The following H3-3B variants were observed in gnomAD, a reference collection of about 807,000 sequenced individuals.
H3-3B encodes the protein histone H3.3.
In H3-3B, 2 loss-of-function variants were observed where a neutral mutation model predicts 13.1. The ratio of observed to expected loss-of-function variants is 0.15; its 90% CI spans 0.06 to 0.48. H3-3B has a LOEUF of 0.48. Among genes scored for constraint, H3-3B ranks in the 20% least tolerant of loss-of-function variants. H3-3B has a pLI of 0.97. For synonymous variants in H3-3B, 133 were observed against 75.8 expected, an observed-to-expected ratio of 1.76 and a Z score of -3.92; for missense variants, 39 against 186.0, an observed-to-expected ratio of 0.21 and a Z score of 4.60.
rs1463512070 is a variant in H3-3B, at chr17:75,778,043, T to C, written c.*552A>G. The stretch of plus-strand genomic sequence containing the variant: ...ACTTGTGAATGTAAAACATTTAATT[T>C]AAAAATGTTGATACTACAATATATA... On this transcript the variant is annotated 3_prime_UTR_variant, in exon 4 of 4. Transcript: ENST00000254810. 2 of 152,690 alleles carry C rather than the reference T, an allele frequency of 1.3e-5. No individual in the cohort carries two copies. The highest frequency in any genetic ancestry group is 2.4e-5 in the African/African-American group (1 of 41,434). 9.5% of individuals were successfully genotyped at this position (152,690 alleles called of 1,614,324 possible). A position where few individuals can be genotyped will look rare whatever the true frequency, so the allele number is the denominator to read the frequency against.
rs2061644773 is a variant in H3-3B, at chr17:75,777,611, T to G, written c.*984A>C. 1 of 152,532 alleles carries G rather than the reference T, an allele frequency of 6.6e-6. No homozygotes were observed. Among genetic ancestry groups the G allele is most frequent in the Non-Finnish European group, 1.5e-5 (1 of 68,044 alleles). 9.4% of individuals were successfully genotyped at this position (152,532 alleles called of 1,614,324 possible). ...TAACCTAACCCAACACCATCTTAATTGGCAGAGGTTCAGTGGGCTGGAGTT... is the reference window on the plus strand; with the variant it reads ...TAACCTAACCCAACACCATCTTAATGGGCAGAGGTTCAGTGGGCTGGAGTT... On this transcript the variant is annotated 3_prime_UTR_variant, in exon 4 of 4. Coordinates refer to ENST00000254810, the MANE Select transcript of H3-3B (RefSeq NM_005324.5).
Position 75,778,682 on chromosome 17 carries a change from G to C in H3-3B, c.324C>G (p.Thr108=). 1 of 1,614,168 alleles carries C rather than the reference G, an allele frequency of 6.2e-7. No individual in the cohort carries two copies. Among genetic ancestry groups the C allele is most frequent in the South Asian group, 1.1e-5 (1 of 91,080 alleles). The change falls in exon 4 of 4, where the codon ACC becomes ACG. Residue 108 remains threonine (T), a synonymous_variant. Coordinates refer to ENST00000254810, the MANE Select transcript of H3-3B (RefSeq NM_005324.5). The stretch of plus-strand genomic sequence containing the variant: ...TCTTAGCGTGGATGGCACACAGGTT[G>C]GTATCTTCGAACAGACCCACCAGGT... ...EAYLVGLFED[T]NLCAIHAKRV... is the part of the protein sequence containing the mutation.
intron 1 of H3-3B, 70 bp downstream of exon 1, chr17:75,779,587 C>T (rs1169609982): frequency 6.4e-6 from 1 of 156,510 alleles, no homozygotes; most frequent in African/African-American, 2.4e-5. Flanking sequence ...GCTCGGCTCC[C>T]AACGGCCGCG....
In H3-3B at chr17:75,777,116, T is replaced by C. The variant is rs1568399313; in HGVS notation, c.*1479A>G. 6.6e-6 allele frequency: 1 copy of C among 152,218 alleles called. No homozygotes were observed. Among genetic ancestry groups the C allele is most frequent in the African/African-American group, 2.4e-5 (1 of 41,452 alleles). The allele number at this position is 152,218 out of a possible 1,614,324, so 9.4% of individuals were successfully genotyped here. ...CTGTCTCACTGACATCCACGTACTA[T>C]GCTTTAGTGGCCATCATCGCACAAG... On this transcript the variant is annotated 3_prime_UTR_variant, in exon 4 of 4. Coordinates refer to ENST00000254810, the MANE Select transcript of H3-3B (RefSeq NM_005324.5).
Position 75,776,545 on chromosome 17 carries a change from A to C in H3-3B, c.*2050T>G, listed in dbSNP as rs1330679719. 1 of 152,196 alleles carries C rather than the reference A, an allele frequency of 6.6e-6. No homozygotes were observed. The highest frequency in any genetic ancestry group is 2.1e-4 in the South Asian group (1 of 4,832). 9.4% of individuals were successfully genotyped at this position (152,196 alleles called of 1,614,324 possible). A position where few individuals can be genotyped will look rare whatever the true frequency, so the allele number is the denominator to read the frequency against. On this transcript the variant is annotated 3_prime_UTR_variant, in exon 4 of 4. Transcript: ENST00000254810. ...TCTGCTCCTTTACCCTTACCGAGGG[A>C]TATCCCATACAGGAAGCCGCCTACA...
chr17:75,779,076 G>T lies in H3-3B; in HGVS notation c.99C>A (p.Thr33=), dbSNP rs61734773. The change falls in exon 2 of 4, where the codon ACC becomes ACA. Residue 33 remains threonine, a synonymous_variant. Coordinates refer to ENST00000254810, the MANE Select transcript of H3-3B (RefSeq NM_005324.5). ...TKAARKSAPS[T]GGVKKPHRYR... is the part of the protein sequence containing the mutation. ...AGCGATGAGGCTTCTTCACCCCGCC[G>T]GTAGAGGGAGCGCTTTTCCTGGCGG... 2 of 1,606,192 alleles carry T rather than the reference G, an allele frequency of 1.2e-6. No individual in the cohort carries two copies. Among genetic ancestry groups the T allele is most frequent in the East Asian group, 4.5e-5 (2 of 44,682 alleles).
Position 75,778,739 on chromosome 17 carries a change from G to A in H3-3B, c.283-16C>T, listed in dbSNP as rs753220478. The A allele has an allele frequency of 8.7e-6, 14 of 1,614,060 alleles. No homozygotes were observed. The highest frequency in any genetic ancestry group is 2.7e-5 in the African/African-American group (2 of 74,932). ...CGCTAGCCTCCTGTTGAGGACGAGA[G>A]CCGCACTATTAATCCCACTCGGGGA... On this transcript the variant is annotated splice_polypyrimidine_tract_variant and intron_variant, in intron 3 of 3. Coordinates refer to ENST00000254810, the MANE Select transcript of H3-3B (RefSeq NM_005324.5).
rs1395672202 is a variant in H3-3B, at chr17:75,777,034, C to G, written c.*1561G>C. 6.6e-6 allele frequency: 1 copy of G among 152,152 alleles called. No individual in the cohort carries two copies. The allele number at this position is 152,152 out of a possible 1,614,324, so 9.4% of individuals were successfully genotyped here. ...AGAAAGCAATTTTAATGGGGTATAA[C>G]TTTAAGCAGTTGCTAACTTCAAACG... On this transcript the variant is annotated 3_prime_UTR_variant, in exon 4 of 4. Transcript: ENST00000254810.
chr17:75,778,961 G>A lies in H3-3B; in HGVS notation c.131C>T (p.Pro44Leu). 6.2e-7 allele frequency: 1 copy of A among 1,614,086 alleles called. No individual in the cohort carries two copies. Among genetic ancestry groups the A allele is most frequent in the Non-Finnish European group, 8.5e-7 (1 of 1,180,040 alleles). Residue 44 changes from proline (P) to leucine (L), a missense_variant and splice_region_variant, in exon 3 of 4, where the codon CCC becomes CTC. By Grantham distance (98) the Pro-to-Leu change is moderately conservative. Transcript: ENST00000254810. ...GGVKKPHRYR[P>L]GTVALREIRR... ...AATCTCTCGAAGCGCCACGGTCCCG[G>A]GCCTGCAGCGAGCAGGGGAGGAGTG...
rs1476541779 is a variant in H3-3B, at chr17:75,779,752, C to G, written c.-106G>C. ...CGACGAGCGAAAAACCAGCACCGCC[C>G]AACGAACGACCAAACCGCTCTGCGC... On this transcript the variant is annotated 5_prime_UTR_variant, in exon 1 of 4. Transcript: ENST00000254810. The G allele has an allele frequency of 6.5e-6, 1 of 153,404 alleles. No homozygotes were observed. Among genetic ancestry groups the G allele is most frequent in the Non-Finnish European group, 1.5e-5 (1 of 68,088 alleles). 9.5% of individuals were successfully genotyped at this position (153,404 alleles called of 1,614,324 possible).
At position 75,778,894 on chromosome 17, in the gene H3-3B, C is replaced by T. The variant is rs766083180; in HGVS notation, c.198G>A (p.Leu66=). ...TCTCCCTCACCAACCTCTGGAAGGG[C>T]AGCTTCCGGATGAGCAGCTCGGTCG... ...QKSTELLIRK[L]PFQRLVREIA... is the part of the protein sequence containing the mutation. Residue 66 remains leucine, a synonymous_variant, in exon 3 of 4, where the codon CTG becomes CTA. Transcript: ENST00000254810. 5 of 1,614,176 alleles carry T rather than the reference C, an allele frequency of 3.1e-6. No individual in the cohort carries two copies. The South Asian group carries it at 3.3e-5, about 11-fold the overall frequency.
Position 75,777,079 on chromosome 17 carries a change from C to CT in H3-3B, c.*1515dup, listed in dbSNP as rs1361424128. On this transcript the variant is annotated 3_prime_UTR_variant, in exon 4 of 4. Coordinates refer to ENST00000254810, the MANE Select transcript of H3-3B (RefSeq NM_005324.5). ...CAAACGTGGAACGCTTTGATGACTG[C>CT]TGGCTCTCATGCTGTCTCACTGACA... The CT allele has an allele frequency of 6.6e-6, 1 of 152,204 alleles. No homozygotes were observed. The highest frequency in any genetic ancestry group is 1.5e-5 in the Non-Finnish European group (1 of 68,028). 9.4% of individuals were successfully genotyped at this position (152,204 alleles called of 1,614,324 possible). A position where few individuals can be genotyped will look rare whatever the true frequency, so the allele number is the denominator to read the frequency against.
In H3-3B at chr17:75,779,551, C is replaced by T. The variant is rs536998644; in HGVS notation, c.-11+106G>A. On this transcript the variant is annotated intron_variant, in intron 1 of 3. Transcript: ENST00000254810. ...CCTCCCGGCCCCATACCCGACCCGA[C>T]GCCAGCGGCCCGAGCAGCCCCCGCC... is the stretch of plus-strand genomic sequence containing the variant. 210 of 160,694 alleles carry T rather than the reference C, an allele frequency of 1.3e-3. 3 individuals are homozygous for T. The Middle Eastern group carries it at 0.037, about 28-fold the overall frequency. 10.0% of individuals were successfully genotyped at this position (160,694 alleles called of 1,614,324 possible).
At position 75,778,220 on chromosome 17, in the gene H3-3B, C is replaced by T; in HGVS notation, c.*375G>A. The T allele has an allele frequency of 5.6e-6, 1 of 178,830 alleles. No homozygotes were observed. The highest frequency in any genetic ancestry group is 1.2e-5 in the Non-Finnish European group (1 of 83,408). The allele number at this position is 178,830 out of a possible 1,614,324, so 11.1% of individuals were successfully genotyped here. On this transcript the variant is annotated 3_prime_UTR_variant, in exon 4 of 4. Coordinates refer to ENST00000254810, the MANE Select transcript of H3-3B (RefSeq NM_005324.5). ...TCTATCACAGTGATGTATGGTCAGA[C>T]TTAACAGCCCCAATTGTTAAACACT...
At position 75,777,202 on chromosome 17, in the gene H3-3B, G is replaced by A. The variant is rs1427805509; in HGVS notation, c.*1393C>T. ...CTACACCTGTGGGCTTCTACACTAC[G>A]GAACGGGAGTGGGGGGGCTGAAAAG... On this transcript the variant is annotated 3_prime_UTR_variant, in exon 4 of 4. Coordinates refer to ENST00000254810, the MANE Select transcript of H3-3B (RefSeq NM_005324.5). 2 of 151,502 alleles carry A rather than the reference G, an allele frequency of 1.3e-5. No homozygotes were observed. Among genetic ancestry groups the A allele is most frequent in the Admixed American group, 6.6e-5 (1 of 15,248 alleles). The allele number at this position is 151,502 out of a possible 1,614,324, so 9.4% of individuals were successfully genotyped here.
intron 1 of H3-3B, 131 bp from the exon 2 acceptor site, chr17:75,779,315 G>C (rs1045828490): frequency 3.8e-6 from 4 of 1,047,026 alleles, no homozygotes; most frequent in South Asian, 3.2e-5. Context: ...CGCGGCAGCA[G>C]ATGGCCGAGG....
chr17:75,777,116 T>TC lies in H3-3B; in HGVS notation c.*1478_*1479insG, dbSNP rs1568399314. The TC allele has an allele frequency of 6.6e-6, 1 of 152,218 alleles. No homozygotes were observed. The highest frequency in any genetic ancestry group is 2.4e-5 in the African/African-American group (1 of 41,452). The allele number at this position is 152,218 out of a possible 1,614,324, so 9.4% of individuals were successfully genotyped here. A position where few individuals can be genotyped will look rare whatever the true frequency, so the allele number is the denominator to read the frequency against. On this transcript the variant is annotated 3_prime_UTR_variant, in exon 4 of 4. Coordinates refer to ENST00000254810, the MANE Select transcript of H3-3B (RefSeq NM_005324.5). ...CTGTCTCACTGACATCCACGTACTA[T>TC]GCTTTAGTGGCCATCATCGCACAAG...
At chr17:75,779,286 G>T in intron 1 of H3-3B, 102 bp from the exon 2 acceptor site, 1 of 1,216,176 alleles carries the variant, frequency 8.2e-7, no homozygotes, top group Non-Finnish European at 1.1e-6. Context: ...CGGGCCTCCC[G>T]CCTCCCCGCG....
rs2061657128 is a variant in H3-3B, at chr17:75,779,701, TC to T, written c.-56del. ...CCACTTCTCCGACCGCCGCGCCGCT[TC>T]CGCTGCCCGAGGAAGAGCCGCAGTC... On this transcript the variant is annotated 5_prime_UTR_variant, in exon 1 of 4. Coordinates refer to ENST00000254810, the MANE Select transcript of H3-3B (RefSeq NM_005324.5). The T allele has an allele frequency of 6.4e-6, 1 of 156,814 alleles. No individual in the cohort carries two copies. Among genetic ancestry groups the T allele is most frequent in the Admixed American group, 6.5e-5 (1 of 15,272 alleles). 9.7% of individuals were successfully genotyped at this position (156,814 alleles called of 1,614,324 possible).
Sources: allele counts gnomAD v4.1 joint callset, GRCh38; gene constraint gnomAD v4.1.1; transcripts MANE v1.5; gene names NCBI Gene and HGNC (gene_info 2026-07-23, HGNC 2026-07-21).